PTPRK: variants seen among roughly 807,000 people sequenced by gnomAD.
The protein encoded by PTPRK is protein tyrosine phosphatase receptor type K, also known as receptor-type tyrosine-protein phosphatase kappa.
Under a neutral mutation model 178.0 loss-of-function variants are expected in PTPRK, and 75 were observed. The ratio of observed to expected loss-of-function variants is 0.42; its 90% CI spans 0.35 to 0.51. The LOEUF (loss-of-function observed/expected upper bound fraction) is 0.51, where lower values mean the gene tolerates loss of function less well. Among genes scored for constraint, PTPRK ranks in the 20% least tolerant of loss-of-function variants. The pLI is 0.02. For synonymous variants in PTPRK, 637 were observed against 620.6 expected, an observed-to-expected ratio of 1.03 and a Z score of -0.39; for missense variants, 1,441 against 1,797.8, an observed-to-expected ratio of 0.80 and a Z score of 3.59.
intron 7 of PTPRK, among the ~76,000 whole-genome samples, chr6:128,141,760 T>C (rs1448563321): frequency 6.6e-6 from 1 of 151,982 alleles, no homozygotes; most frequent in Non-Finnish European, 1.5e-5. Context: ...AATTGTTCCA[T>C]TTCCTCTTGG....
intron 2 of PTPRK, among the ~76,000 whole-genome samples, chr6:128,323,631 T>C (rs1470820030): frequency 6.6e-6 from 1 of 152,142 alleles, no homozygotes; most frequent in African/African-American, 2.4e-5. Flanking sequence ...GAGGATGGTG[T>C]CAACTATTTG....
At chr6:128,267,547 G>A (rs555994051) in intron 3 of PTPRK, among the ~76,000 whole-genome samples, 1 of 152,138 alleles carries the variant, frequency 6.6e-6, no homozygotes, top group East Asian at 1.9e-4. Flanking sequence ...CTTTAAAACT[G>A]TGTAACTTCC....
intron 7 of PTPRK, among the ~76,000 whole-genome samples, chr6:128,154,415 G>A (rs1206149246): frequency 2.6e-5 from 4 of 151,544 alleles, no homozygotes; most frequent in African/African-American, 2.4e-5. Flanking sequence ...AAATGATCTC[G>A]CTGACTTTAG....
At chr6:128,310,527 A>AGCTATGGG (rs1827082989) in intron 3 of PTPRK, among the ~76,000 whole-genome samples, 1 of 152,192 alleles carries the variant, frequency 6.6e-6, no homozygotes, top group Admixed American at 6.5e-5. Flanking sequence ...ACTCAGGCCC[A>AGCTATGGG]TAGCTAAATA....
chr6:128,262,125 T>C (rs1818267530), intron 3 of PTPRK, among the ~76,000 whole-genome samples: 1 of 152,150 alleles, frequency 6.6e-6, no homozygotes, highest in African/African-American at 2.4e-5. Flanking sequence ...ACTTTCCAGG[T>C]TTGGATTCAT....
intron 25 of PTPRK, among the ~76,000 whole-genome samples, chr6:127,980,855 T>C (rs1775263191): frequency 6.6e-6 from 1 of 152,188 alleles, no homozygotes; most frequent in Non-Finnish European, 1.5e-5. Flanking sequence ...ATGAAATTTA[T>C]AACTTGCAAT....
intron 6 of PTPRK, among the ~76,000 whole-genome samples, chr6:128,210,772 T>A (rs560298493): frequency 6.6e-6 from 1 of 152,114 alleles, no homozygotes; most frequent in East Asian, 1.9e-4. Context: ...AGCCATGGTA[T>A]CTCCATATGT....
At chr6:128,140,592 A>T (rs1461300336) in intron 7 of PTPRK, among the ~76,000 whole-genome samples, 1 of 151,976 alleles carries the variant, frequency 6.6e-6, no homozygotes, top group Non-Finnish European at 1.5e-5. Flanking sequence ...ATTTTTTTTC[A>T]AGAAAGAGTG....
At chr6:128,237,339 C>T (rs1026682447) in intron 5 of PTPRK, among the ~76,000 whole-genome samples, 4 of 147,812 alleles carry the variant, frequency 2.7e-5, no homozygotes, top group African/African-American at 1.0e-4. Flanking sequence ...TCCATTACCT[C>T]TGTGGATAGA....
intron 12 of PTPRK, among the ~76,000 whole-genome samples, chr6:128,066,792 G>C (rs948700811): frequency 1.3e-5 from 2 of 152,242 alleles, no homozygotes; most frequent in African/African-American, 2.4e-5. Context: ...GGCATGAAAG[G>C]CCAGGTTGTT....
intron 2 of PTPRK, among the ~76,000 whole-genome samples, chr6:128,375,849 C>A (rs1836998777): frequency 6.6e-6 from 1 of 152,156 alleles, no homozygotes. Context: ...CTACAGGACC[C>A]ATGAAAGTCC....
chr6:128,340,439 A>G (rs1831514199), intron 2 of PTPRK, among the ~76,000 whole-genome samples: 1 of 152,186 alleles, frequency 6.6e-6, no homozygotes, highest in African/African-American at 2.4e-5. Context: ...AACAACCTCT[A>G]AATGTACAAG....
chr6:128,262,857 C>CAAAAAA (rs747334195), intron 3 of PTPRK, among the ~76,000 whole-genome samples: 1 of 75,108 alleles, frequency 1.3e-5, no homozygotes, highest in African/African-American at 5.1e-5. Flanking sequence ...AACCAATAAC[C>CAAAAAA]AAAAAAAAAA....
intron 3 of PTPRK, among the ~76,000 whole-genome samples, chr6:128,311,631 T>A (rs1827258220): frequency 6.6e-6 from 1 of 152,060 alleles, no homozygotes; most frequent in Admixed American, 6.6e-5. Context: ...CTTTTACTCC[T>A]GCCTTTACAC....
chr6:128,261,164 T>C (rs1368566804), intron 3 of PTPRK, among the ~76,000 whole-genome samples: 1 of 152,096 alleles, frequency 6.6e-6, no homozygotes, highest in Non-Finnish European at 1.5e-5. Flanking sequence ...AAATAAAACT[T>C]TCAAAAAAGA....
At chr6:128,498,159 A>G (rs1202113221) in intron 1 of PTPRK, among the ~76,000 whole-genome samples, 3 of 152,198 alleles carry the variant, frequency 2.0e-5, no homozygotes, top group Admixed American at 2.0e-4. Flanking sequence ...AATGTTAAAA[A>G]GACAAATCAC....
At chr6:128,440,071 C>G (rs893918003) in intron 1 of PTPRK, among the ~76,000 whole-genome samples, 1 of 152,120 alleles carries the variant, frequency 6.6e-6, no homozygotes, top group Non-Finnish European at 1.5e-5. Flanking sequence ...GACTCAAAAC[C>G]TGCATATCCA....
At chr6:128,388,074 T>C (rs942624799) in intron 2 of PTPRK, among the ~76,000 whole-genome samples, 15 of 152,352 alleles carry the variant, frequency 9.8e-5, no homozygotes, top group Admixed American at 2.6e-4. Context: ...CATTAGAGAA[T>C]ACAATGCTGT....
intron 13 of PTPRK, among the ~76,000 whole-genome samples, chr6:128,060,055 A>AT (rs1242832463): frequency 6.6e-6 from 1 of 152,084 alleles, no homozygotes; most frequent in African/African-American, 2.4e-5. Context: ...TTATACTAGC[A>AT]ATGAGAGCAG....
Sources: allele counts gnomAD v4.1 joint callset (sites outside exome capture counted in the v4.1 genomes callset), GRCh38; gene constraint gnomAD v4.1.1; transcripts MANE v1.5; gene names NCBI Gene and HGNC (gene_info 2026-07-23, HGNC 2026-07-21).